The following EXT2 variants were observed in gnomAD, a reference collection of about 807,000 sequenced individuals.
The protein encoded by EXT2 is exostosin-2.
Under a neutral mutation model 81.6 loss-of-function variants are expected in EXT2, and 53 were observed. That is an observed-to-expected ratio of 0.65 (90% CI 0.52 to 0.82). The LOEUF is 0.82. Ranked by LOEUF, EXT2 falls within the 40% of genes least tolerant of loss-of-function variation. EXT2 has a pLI of 0.00. For missense variants in EXT2, 774 were observed against 910.2 expected, an observed-to-expected ratio of 0.85 and a Z score of 1.93; for synonymous variants, 320 against 340.0, an observed-to-expected ratio of 0.94 and a Z score of 0.65.
chr11:44,249,816 A>T lies in EXT2; in HGVS notation c.*5529A>T, dbSNP rs1956125061. Among the ~76,000 whole-genome samples the T allele has an allele frequency of 6.6e-6, 1 of 152,194 alleles. No individual in the cohort carries two copies. Among genetic ancestry groups the T allele is most frequent in the South Asian group, 2.1e-4 (1 of 4,824 alleles). ...CTGGGCATGGTGGCTCATGCCTGTA[A>T]TCCCAGCATTTTGGGAGGCCAAAGC... On this transcript the variant is annotated 3_prime_UTR_variant, in exon 14 of 14. Transcript: ENST00000533608.
intron 4 of EXT2, among the ~76,000 whole-genome samples, chr11:44,124,193 G>T (rs531610130): frequency 6.6e-6 from 1 of 152,102 alleles, no homozygotes; most frequent in South Asian, 2.1e-4. Context: ...TACCAATTCG[G>T]TCTCCCTCCC....
intron 7 of EXT2, among the ~76,000 whole-genome samples, chr11:44,167,678 T>C (rs2135119217): frequency 6.6e-6 from 1 of 150,704 alleles, no homozygotes; most frequent in East Asian, 2.0e-4. Context: ...AGAAGTGTGC[T>C]AAAATTGAGA....
At chr11:44,241,411 A>G (rs957757581) in intron 13 of EXT2, among the ~76,000 whole-genome samples, 1 of 152,232 alleles carries the variant, frequency 6.6e-6, no homozygotes, top group South Asian at 2.1e-4. Flanking sequence ...CTCCTAACAT[A>G]GGGATATTAA....
rs574637018 is a variant in EXT2, at chr11:44,129,623, A to G, written c.1080-422A>G. On this transcript the variant is annotated intron_variant, in intron 6 of 13. Coordinates refer to ENST00000533608, the MANE Select transcript of EXT2 (RefSeq NM_207122.2). Reference sequence around the variant, plus strand: ...TCCATAAATATATGCCAGATAAATGAATAGATTTGCATAGATAGCTAAAGG... The same window carrying G: ...TCCATAAATATATGCCAGATAAATGGATAGATTTGCATAGATAGCTAAAGG... Among the ~76,000 whole-genome samples the G allele has an allele frequency of 2.6e-5, 4 of 152,366 alleles. No homozygotes were observed. The South Asian group carries it at 8.3e-4, about 32-fold the overall frequency.
intron 7 of EXT2, among the ~76,000 whole-genome samples, chr11:44,141,318 C>T (rs921849773): frequency 7.9e-5 from 12 of 151,790 alleles, no homozygotes; most frequent in Admixed American, 5.2e-4. Context: ...GTTTTTTTTC[C>T]GAATATTTTT....
At position 44,240,033 on chromosome 11, in the gene EXT2, T is replaced by C. The variant is rs956795943; in HGVS notation, c.2018+3658T>C. ...ACATAAATGCTATGTAAATAGTTGT[T>C]ACATGGCATTGTTTAGGGAAAAATG... On this transcript the variant is annotated intron_variant, in intron 13 of 13. Transcript: ENST00000533608. Among the ~76,000 whole-genome samples, 20 of 152,222 alleles carry C rather than the reference T, an allele frequency of 1.3e-4. 3 individuals carry two copies. Among genetic ancestry groups the C allele is most frequent in the Admixed American group, 1.2e-3 (19 of 15,276 alleles).
chr11:44,107,632 A>G, intron 1 of EXT2, 51 bp from the exon 2 acceptor site: 2 of 1,531,532 alleles, frequency 1.3e-6, no homozygotes, highest in Non-Finnish European at 1.8e-6. Flanking sequence ...TTCAAGTGTC[A>G]TTTGCCATCC....
At chr11:44,153,504 AT>A (rs528870503) in intron 7 of EXT2, among the ~76,000 whole-genome samples, 10 of 148,298 alleles carry the variant, frequency 6.7e-5, no homozygotes, top group African/African-American at 9.9e-5. Flanking sequence ...TATACCTTGT[AT>A]TTTTTTTTTC....
intron 4 of EXT2, among the ~76,000 whole-genome samples, chr11:44,118,214 A>T (rs929070494): frequency 2.0e-5 from 3 of 152,164 alleles, no homozygotes; most frequent in Non-Finnish European, 4.4e-5. Context: ...TTTAAGGTGA[A>T]TATGGAGTTA....
Position 44,145,802 on chromosome 11 carries a change from T to C in EXT2, c.1173+15664T>C, listed in dbSNP as rs76171290. ...CCTTGTTTAGAGTACTCTTGAACTA[T>C]TATAATCATCTAAAATATTTGTAAA... On this transcript the variant is annotated intron_variant, in intron 7 of 13. Coordinates refer to ENST00000533608, the MANE Select transcript of EXT2 (RefSeq NM_207122.2). 5.5e-3 allele frequency among the ~76,000 whole-genome samples: 839 copies of C among 152,332 alleles called. 13 individuals carry two copies. Among genetic ancestry groups the C allele is most frequent in the African/African-American group, 0.019 (794 of 41,580 alleles).
At chr11:44,136,975 T>G (rs1189968311) in intron 7 of EXT2, among the ~76,000 whole-genome samples, 5 of 152,150 alleles carry the variant, frequency 3.3e-5, no homozygotes, top group Admixed American at 1.3e-4. Context: ...TATTTTAAAT[T>G]TCACAGTTTT....
rs770675669 is a variant in EXT2, at chr11:44,130,019, G to A, written c.1080-26G>A. On this transcript the variant is annotated intron_variant, in intron 6 of 13. Transcript: ENST00000533608. The stretch of plus-strand genomic sequence containing the variant: ...GCTTTCTGTGAAGGGCTGTGTGTAT[G>A]TAAACTGTTTTGCTGTTGTCTCCAG... 8.3e-6 allele frequency: 13 copies of A among 1,572,528 alleles called. No homozygotes were observed. The South Asian group carries it at 1.3e-4, about 16-fold the overall frequency.
intron 13 of EXT2, among the ~76,000 whole-genome samples, chr11:44,240,015 T>C (rs952997584): frequency 5.9e-5 from 9 of 152,196 alleles, no homozygotes; most frequent in Non-Finnish European, 1.2e-4. Flanking sequence ...ACAACATAAA[T>C]GCTATGTAAA....
chr11:44,184,521 G>C (rs752501522), intron 8 of EXT2, among the ~76,000 whole-genome samples: 1 of 152,134 alleles, frequency 6.6e-6, no homozygotes, highest in Non-Finnish European at 1.5e-5. Flanking sequence ...GGAGGCCGAG[G>C]GGGGTGGATC....
At chr11:44,111,713 C>T (rs1487275700) in intron 3 of EXT2, among the ~76,000 whole-genome samples, 1 of 152,176 alleles carries the variant, frequency 6.6e-6, no homozygotes, top group African/African-American at 2.4e-5. Flanking sequence ...CTCTGTCCAG[C>T]TTCGATCATT....
chr11:44,230,704 T>C (rs773405506), intron 10 of EXT2, among the ~76,000 whole-genome samples: 1 of 152,168 alleles, frequency 6.6e-6, no homozygotes, highest in Non-Finnish European at 1.5e-5. Context: ...AAGGAAACAT[T>C]TCCCGATATG....
intron 7 of EXT2, among the ~76,000 whole-genome samples, chr11:44,136,906 A>G (rs889710479): frequency 6.6e-6 from 1 of 152,152 alleles, no homozygotes; most frequent in African/African-American, 2.4e-5. Context: ...TTCTAATACA[A>G]AGGGAGGCTC....
At chr11:44,123,211 T>C (rs1954344452) in intron 4 of EXT2, among the ~76,000 whole-genome samples, 1 of 152,192 alleles carries the variant, frequency 6.6e-6, no homozygotes, top group Admixed American at 6.5e-5. Context: ...AGTATAATTA[T>C]TGAGTGAGAT....
rs1324812531 is a variant in EXT2, at chr11:44,251,005, C to A, written c.*6718C>A. Among the ~76,000 whole-genome samples, 1 of 152,154 alleles carries A rather than the reference C, an allele frequency of 6.6e-6. No homozygotes were observed. The highest frequency in any genetic ancestry group is 2.4e-5 in the African/African-American group (1 of 41,446). ...TCTCTAGTAGATCATTGGGGGCTCA[C>A]CTTGATCTCCTCTCTTCTGTCTACC... On this transcript the variant is annotated 3_prime_UTR_variant, in exon 14 of 14. Transcript: ENST00000533608.
Sources: gnomAD v4.1 joint callset for allele counts (sites outside exome capture counted in the v4.1 genomes callset) on GRCh38, gnomAD v4.1.1 for gene constraint, MANE v1.5 for transcripts, NCBI Gene and HGNC (gene_info 2026-07-23, HGNC 2026-07-21) for gene names.